NAALADL2: variants seen among roughly 807,000 people sequenced by gnomAD.
NAALADL2 encodes inactive N-acetylated-alpha-linked acidic dipeptidase-like protein 2.
In NAALADL2, 76 loss-of-function variants were observed where a neutral mutation model predicts 87.2. The ratio of observed to expected loss-of-function variants is 0.87; its 90% CI spans 0.72 to 1.05. The LOEUF is 1.05. NAALADL2 is among the 50% of genes least tolerant of loss of function. The probability of loss-of-function intolerance (pLI) is 0.00; values close to 1 mark genes in which losing one functional copy is unlikely to be tolerated. For synonymous variants in NAALADL2, 354 were observed against 331.0 expected, an observed-to-expected ratio of 1.07 and a Z score of -0.75; for missense variants, 1,089 against 945.8, an observed-to-expected ratio of 1.15 and a Z score of -1.99.
At chr3:175,530,658 C>A (rs569936746) in intron 9 of NAALADL2, among the ~76,000 whole-genome samples, 1 of 152,320 alleles carries the variant, frequency 6.6e-6, no homozygotes, top group Non-Finnish European at 1.5e-5. Flanking sequence ...GCAGTGCAGG[C>A]TGGAAGACAG....
At chr3:175,558,187 C>A (rs1251412185) in intron 9 of NAALADL2, among the ~76,000 whole-genome samples, 3 of 99,954 alleles carry the variant, frequency 3.0e-5, no homozygotes, top group Non-Finnish European at 6.2e-5. Context: ...ACAGCAAGAC[C>A]CCGTCTCAAA....
At position 174,930,614 on chromosome 3, in the gene NAALADL2, C is replaced by CTTT. The variant is rs760690405; in HGVS notation, c.43+71187_43+71189dup. Among the ~76,000 whole-genome samples the CTTT allele has an allele frequency of 2.5e-3, 165 of 66,824 alleles. 11 individuals are homozygous for CTTT. The highest frequency in any genetic ancestry group is 5.8e-3 in the East Asian group (10 of 1,716). The allele number at this position is 66,824 out of a possible 152,430, so 43.8% of individuals were successfully genotyped here. ...TTGCAAGTCCTTTAAATAAGATGAACTTTTTTTTTTTTTTTTTTTTTTTTT... is the reference window on the plus strand; with the variant it reads ...TTGCAAGTCCTTTAAATAAGATGAACTTTTTTTTTTTTTTTTTTTTTTTTTTTT... On this transcript the variant is annotated intron_variant, in intron 1 of 13. Transcript: ENST00000454872.
intron 9 of NAALADL2, among the ~76,000 whole-genome samples, chr3:175,489,559 G>A (rs924833377): frequency 9.2e-5 from 14 of 152,152 alleles, no homozygotes; most frequent in Admixed American, 9.2e-4. Context: ...TTTCAGTTCT[G>A]GATCACTGAT....
intron 4 of NAALADL2, among the ~76,000 whole-genome samples, chr3:175,305,614 C>T (rs544404092): frequency 3.4e-4 from 52 of 152,238 alleles, no homozygotes; most frequent in African/African-American, 1.3e-3. Flanking sequence ...CCTCCACCTC[C>T]TCGGTTCAAG....
chr3:175,704,475 T>TA (rs1176178747), intron 11 of NAALADL2, among the ~76,000 whole-genome samples: 1 of 86,104 alleles, frequency 1.2e-5, no homozygotes, highest in Non-Finnish European at 2.2e-5. Flanking sequence ...TTTTGACAGA[T>TA]AGTCTTTTGC....
chr3:174,517,773 C>G (rs550670080), intron 1 of NAALADL2, among the ~76,000 whole-genome samples: 1 of 151,994 alleles, frequency 6.6e-6, no homozygotes, highest in African/African-American at 2.4e-5. Context: ...TTTCTCATGT[C>G]CTTGTACATG....
chr3:175,408,177 T>C (rs1165437754), intron 5 of NAALADL2, among the ~76,000 whole-genome samples: 1 of 152,072 alleles, frequency 6.6e-6, no homozygotes, highest in African/African-American at 2.4e-5. Flanking sequence ...ATTTTATTTA[T>C]AGGAGAGAAC....
chr3:174,567,522 A>G (rs996804302), intron 2 of NAALADL2, among the ~76,000 whole-genome samples: 25 of 151,596 alleles, frequency 1.6e-4, no homozygotes, highest in African/African-American at 5.8e-4. Context: ...ATTAAGTATC[A>G]TCATACCTGT....
At chr3:175,143,067 T>C (rs13092404) in intron 2 of NAALADL2, among the ~76,000 whole-genome samples, 2,732 of 152,068 alleles carry the variant, frequency 0.018, 40 homozygotes, top group African/African-American at 0.046. Context: ...ATGCTTGACA[T>C]CACCACAATA....
chr3:174,719,664 G>T (rs527253241), intron 2 of NAALADL2, among the ~76,000 whole-genome samples: 3 of 152,180 alleles, frequency 2.0e-5, no homozygotes, highest in African/African-American at 7.2e-5. Flanking sequence ...CATAAACACA[G>T]TTAGGAGCAA....
intron 9 of NAALADL2, among the ~76,000 whole-genome samples, chr3:175,493,684 T>C (rs755378325): frequency 1.3e-5 from 2 of 152,172 alleles, no homozygotes; most frequent in Non-Finnish European, 2.9e-5. Context: ...ATTATCTATG[T>C]CTTTTCCCAA....
At chr3:175,462,471 A>T (rs12636102) in intron 6 of NAALADL2, among the ~76,000 whole-genome samples, 6,679 of 152,170 alleles carry the variant, frequency 0.044, 356 homozygotes, top group East Asian at 0.14. Context: ...TAATATATTT[A>T]TTATTACAAT....
At chr3:175,716,177 A>C (rs956201365) in intron 11 of NAALADL2, among the ~76,000 whole-genome samples, 1 of 146,564 alleles carries the variant, frequency 6.8e-6, no homozygotes, top group Non-Finnish European at 1.5e-5. Flanking sequence ...ATTGGAATAC[A>C]TATATAATAT....
At chr3:175,799,748 G>A (rs1481842715) in intron 13 of NAALADL2, among the ~76,000 whole-genome samples, 1 of 152,062 alleles carries the variant, frequency 6.6e-6, no homozygotes, top group Non-Finnish European at 1.5e-5. Context: ...GTCATTTTGA[G>A]ATATCATCAA....
chr3:175,327,148 C>CTTTTT (rs35198621), intron 5 of NAALADL2, among the ~76,000 whole-genome samples: 1,736 of 99,298 alleles, frequency 0.017, 59 homozygotes, highest in African/African-American at 0.039. Context: ...GTCTACATTT[C>CTTTTT]TTTTTTTTTT....
At chr3:175,641,715 AC>A (rs1405387114) in intron 11 of NAALADL2, among the ~76,000 whole-genome samples, 2 of 152,114 alleles carry the variant, frequency 1.3e-5, no homozygotes, top group Non-Finnish European at 2.9e-5. Flanking sequence ...CTGATTCCAT[AC>A]CCAACATACG....
intron 1 of NAALADL2, among the ~76,000 whole-genome samples, chr3:174,530,055 A>C (rs1490062926): frequency 6.6e-6 from 1 of 152,030 alleles, no homozygotes; most frequent in Non-Finnish European, 1.5e-5. Context: ...TTTCTATCGC[A>C]TTGTCAGGCT....
intron 2 of NAALADL2, among the ~76,000 whole-genome samples, chr3:175,152,096 G>C (rs1463530): frequency 6.6e-6 from 1 of 151,896 alleles, no homozygotes; most frequent in East Asian, 1.9e-4. Flanking sequence ...AAGTTGGATC[G>C]TCATTGATTA....
chr3:174,605,486 G>C (rs566196130), intron 2 of NAALADL2, among the ~76,000 whole-genome samples: 401 of 152,278 alleles, frequency 2.6e-3, no homozygotes, highest in Middle Eastern at 0.024. Flanking sequence ...TTTCCGATGG[G>C]CTTAAAAAAC....
Sources: gnomAD v4.1 joint callset for allele counts (sites outside exome capture counted in the v4.1 genomes callset) on GRCh38, gnomAD v4.1.1 for gene constraint, MANE v1.5 for transcripts, NCBI Gene and HGNC (gene_info 2026-07-23, HGNC 2026-07-21) for gene names.